The following GCNT1 variants were observed in gnomAD, a reference collection of about 807,000 sequenced individuals.
GCNT1 encodes beta-1,3-galactosyl-O-glycosyl-glycoprotein beta-1,6-N-acetylglucosaminyltransferase.
GCNT1 carries 16 observed loss-of-function variants against 26.2 expected under a neutral mutation model. The observed-to-expected ratio is 0.61, with a 90% confidence interval of 0.41 to 0.93. The LOEUF is 0.93. Ranked by LOEUF, GCNT1 falls within the 40% of genes least tolerant of loss-of-function variation. The probability of loss-of-function intolerance (pLI) is 0.00; values close to 1 mark genes in which losing one functional copy is unlikely to be tolerated. For missense variants in GCNT1, 477 were observed against 526.7 expected, an observed-to-expected ratio of 0.91 and a Z score of 0.92; for synonymous variants, 183 against 190.8, an observed-to-expected ratio of 0.96 and a Z score of 0.34.
chr9:76,415,174 C>T (rs952498948), upstream of GCNT1, among the ~76,000 whole-genome samples: 49 of 152,130 alleles, frequency 3.2e-4, no homozygotes, highest in Non-Finnish European at 5.9e-4. Context: ...ACTTCCACCT[C>T]AGCCTCCTGT....
At chr9:76,414,862 C>A (rs918376251), upstream of GCNT1, among the ~76,000 whole-genome samples, 1 of 152,110 alleles carries the variant, frequency 6.6e-6, no homozygotes, top group Non-Finnish European at 1.5e-5. Flanking sequence ...CAACCTCTGA[C>A]GTGTGATACC....
At chr9:76,499,289 G>A (rs549681283) in intron 2 of GCNT1, among the ~76,000 whole-genome samples, 26 of 151,984 alleles carry the variant, frequency 1.7e-4, no homozygotes, top group African/African-American at 4.6e-4. Flanking sequence ...CACTACGCCC[G>A]GCTAATTTTT....
At chr9:76,395,492 C>T in the GCNT1 span, among the ~76,000 whole-genome samples, 3 of 152,014 alleles carry the variant, frequency 2.0e-5, no homozygotes, top group South Asian at 6.2e-4. Flanking sequence ...GAGGCCGACG[C>T]GGGAGGATTG....
At chr9:76,493,086 A>G (rs1218701999) in intron 2 of GCNT1, among the ~76,000 whole-genome samples, 1 of 152,210 alleles carries the variant, frequency 6.6e-6, no homozygotes, top group Non-Finnish European at 1.5e-5. Context: ...TGAGGAAGGC[A>G]GAAGGATTCT....
rs758642631 is a variant in GCNT1 at position 76,502,439 on chromosome 9, A to G, written c.58A>G (p.Met20Val). 3 of 1,613,678 alleles carry G rather than the reference A, an allele frequency of 1.9e-6. No homozygotes were observed. The highest frequency in any genetic ancestry group is 2.2e-5 in the East Asian group (1 of 44,890). Reference protein sequence around the residue: ...LFSYPTKYYFMVLVLSLITFS... With the variant: ...LFSYPTKYYFVVLVLSLITFS... ...TTCTTATCCCACCAAATACTACTTTATGGTTCTTGTTTTATCCCTAATCAC... is the reference window on the plus strand; with the variant it reads ...TTCTTATCCCACCAAATACTACTTTGTGGTTCTTGTTTTATCCCTAATCAC... The change falls in exon 4 of 4, where the codon ATG (methionine) becomes GTG (valine). Residue 20 changes from methionine (M) to valine (V), a missense_variant. Met to Val is a conservative substitution (Grantham distance 21). Transcript: ENST00000376730.
chr9:76,396,857 C>T, the GCNT1 span, among the ~76,000 whole-genome samples: 3 of 152,116 alleles, frequency 2.0e-5, no homozygotes, highest in Admixed American at 6.5e-5. Context: ...GGTGGTGGCT[C>T]GTGCCTATAG....
chr9:76,492,464 G>C (rs1824770418), intron 2 of GCNT1, among the ~76,000 whole-genome samples: 2 of 151,904 alleles, frequency 1.3e-5, no homozygotes, highest in African/African-American at 4.8e-5. Context: ...TCCGGGACAG[G>C]AGATTAACAC....
chr9:76,451,816 GTAGA>G (rs1363579840), intron 1 of GCNT1, among the ~76,000 whole-genome samples: 2 of 152,056 alleles, frequency 1.3e-5, no homozygotes, highest in Non-Finnish European at 1.5e-5. Context: ...AAACTATGAA[GTAGA>G]TAATTAGCTG....
chr9:76,447,369 A>G (rs918319226), intron 1 of GCNT1, among the ~76,000 whole-genome samples: 10 of 151,642 alleles, frequency 6.6e-5, no homozygotes, highest in Non-Finnish European at 1.2e-4. Flanking sequence ...CCTCCTTAAT[A>G]GCTGGGACCA....
At chr9:76,411,190 A>G in the GCNT1 span, among the ~76,000 whole-genome samples, 9 of 152,218 alleles carry the variant, frequency 5.9e-5, no homozygotes, top group African/African-American at 2.2e-4. Flanking sequence ...TTGATATTAA[A>G]GTGATTATTG....
In GCNT1 at chr9:76,487,896, A is replaced by G. The variant is rs768073071; in HGVS notation, c.-289-13020A>G. 4.9e-4 allele frequency among the ~76,000 whole-genome samples: 75 copies of G among 152,240 alleles called. 1 individual carries two copies. The Middle Eastern group carries it at 0.014, about 28-fold the overall frequency. On this transcript the variant is annotated intron_variant, in intron 2 of 3. Transcript: ENST00000376730. Reference sequence around the variant, plus strand: ...ACTACAGGTGCACACCACCACACGCAGATAATTTCATATTTTTTGTAGAGA... The same window carrying G: ...ACTACAGGTGCACACCACCACACGCGGATAATTTCATATTTTTTGTAGAGA...
intron 1 of GCNT1, among the ~76,000 whole-genome samples, chr9:76,430,077 G>C (rs1397718554): frequency 6.6e-6 from 1 of 152,158 alleles, no homozygotes; most frequent in East Asian, 1.9e-4. Flanking sequence ...ACATGACCAA[G>C]CTCAGATTCA....
chr9:76,406,629 A>C, the GCNT1 span, among the ~76,000 whole-genome samples: 1 of 152,082 alleles, frequency 6.6e-6, no homozygotes, highest in Non-Finnish European at 1.5e-5. Context: ...TGAACCCAGG[A>C]GGCGAAGGTT....
At chr9:76,395,923 CTCA>C in the GCNT1 span, among the ~76,000 whole-genome samples, 1 of 152,188 alleles carries the variant, frequency 6.6e-6, no homozygotes, top group African/African-American at 2.4e-5. Context: ...GAGGATGTCT[CTCA>C]TATGGTAATT....
Position 76,452,050 on chromosome 9 carries a change from C to A in GCNT1, c.-290+9735C>A, listed in dbSNP as rs565447286. 2.0e-5 allele frequency among the ~76,000 whole-genome samples: 3 copies of A among 149,942 alleles called. No homozygotes were observed. In the Admixed American group the frequency reaches 2.0e-4, roughly 10 times the overall value. On this transcript the variant is annotated intron_variant, in intron 1 of 2. Coordinates refer to the GCNT1 transcript ENST00000442371. ...ATGGTGTGATCTCGGCTTACTGCAA[C>A]CTCCACCTCCTGGCTTCAAGTGATT...
intron 2 of GCNT1, among the ~76,000 whole-genome samples, chr9:76,467,008 G>A (rs1164168140): frequency 1.3e-5 from 2 of 152,006 alleles, no homozygotes; most frequent in African/African-American, 4.8e-5. Context: ...TGACCTTACA[G>A]GCTTGTTAAC....
chr9:76,488,915 C>A (rs764646930), intron 2 of GCNT1, among the ~76,000 whole-genome samples: 9 of 152,174 alleles, frequency 5.9e-5, no homozygotes, highest in African/African-American at 9.7e-5. Flanking sequence ...TGAGGCAAAC[C>A]ACTTCAAATG....
At chr9:76,469,235 A>G (rs1462632547) in intron 2 of GCNT1, among the ~76,000 whole-genome samples, 1 of 152,220 alleles carries the variant, frequency 6.6e-6, no homozygotes. Context: ...CAATAGTGAG[A>G]GACAGGACTA....
In GCNT1 at chr9:76,427,301, ATCC is replaced by A. The variant is rs773613976; in HGVS notation, n.38+7419_38+7421del. 2.4e-4 allele frequency among the ~76,000 whole-genome samples: 36 copies of A among 151,648 alleles called. No homozygotes were observed. The South Asian group carries it at 5.0e-3, about 21-fold the overall frequency. Reference sequence around the variant, plus strand: ...AGCCTTGACGTTCTGGGCTCAAGCAATCCTCCTACCTCAGTCACTACAGCTACG... The same window carrying A: ...AGCCTTGACGTTCTGGGCTCAAGCAATCCTACCTCAGTCACTACAGCTACG... On this transcript the variant is annotated intron_variant and non_coding_transcript_variant, in intron 1 of 3. Transcript: ENST00000488136.
Sources: gnomAD v4.1 joint callset for allele counts (sites outside exome capture counted in the v4.1 genomes callset) on GRCh38, gnomAD v4.1.1 for gene constraint, MANE v1.5 for transcripts, NCBI Gene and HGNC (gene_info 2026-07-23, HGNC 2026-07-21) for gene names.